Variants in EP300 observed in about 807,000 individuals in gnomAD.
EP300 encodes the protein histone acetyltransferase p300.
In EP300, 31 loss-of-function variants were observed where a neutral mutation model predicts 264.0. That is an observed-to-expected ratio of 0.12 (90% CI 0.09 to 0.16). The LOEUF (loss-of-function observed/expected upper bound fraction) is 0.16. Among genes scored for constraint, EP300 ranks in the 10% least tolerant of loss-of-function variants. EP300 has a pLI of 1.00. For missense variants in EP300, 2,766 were observed against 3,052.9 expected, an observed-to-expected ratio of 0.91 and a Z score of 2.21; for synonymous variants, 1,340 against 1,045.4, an observed-to-expected ratio of 1.28 and a Z score of -5.44.
At chr22:41,174,916 C>G (rs1244659675) in intron 29 of EP300, 3 of 152,016 alleles carry the variant, frequency 2.0e-5, no homozygotes, top group Non-Finnish European at 4.4e-5. Context: ...CATAGGTGTT[C>G]AAAGTATCTT....
chr22:41,159,340 T>TA (rs1313103683), intron 19 of EP300: 1 of 152,234 alleles, frequency 6.6e-6, no homozygotes, highest in East Asian at 1.9e-4. Context: ...AAAAGTCACT[T>TA]AAACTTTTTC....
At chr22:41,137,248 T>C (rs2058956345) in intron 7 of EP300, among the ~76,000 whole-genome samples, 1 of 147,512 alleles carries the variant, frequency 6.8e-6, no homozygotes, top group Non-Finnish European at 1.5e-5. Flanking sequence ...TCCCACCAAC[T>C]CAAGAGGCTG....
intron 22 of EP300, 127 bp from the exon 23 acceptor site, chr22:41,166,472 T>C: frequency 1.4e-6 from 1 of 728,178 alleles, no homozygotes; most frequent in South Asian, 1.7e-5. Context: ...GTGTATTAGT[T>C]TTATTAACTC....
At chr22:41,144,742 T>C (rs893342330) in intron 10 of EP300, among the ~76,000 whole-genome samples, 6 of 152,216 alleles carry the variant, frequency 3.9e-5, no homozygotes, top group African/African-American at 1.4e-4. Flanking sequence ...AGCTGCCTCA[T>C]GGAGCAATAA....
intron 25 of EP300, 29 bp from the exon 26 acceptor site, chr22:41,169,474 T>C (rs2145764856): frequency 2.7e-6 from 4 of 1,470,008 alleles, no homozygotes; most frequent in Non-Finnish European, 3.8e-6. Context: ...ACTTTTTTTT[T>C]CCTCTTCATT....
In EP300 at chr22:41,092,818, C is replaced by T. The variant is rs976850610; in HGVS notation, c.-187C>T. On this transcript the variant is annotated 5_prime_UTR_variant, in exon 1 of 31. Transcript: ENST00000263253. The stretch of plus-strand genomic sequence containing the variant: ...CCCCTCGCACTTGCCCTTACCTTTT[C>T]TATCGAGTCCGCATCCCTCTCCAGC... The T allele has an allele frequency of 1.1e-5, 8 of 696,726 alleles. No individual in the cohort carries two copies. In the Admixed American group the frequency reaches 1.9e-4, roughly 16 times the overall value. The allele number at this position is 696,726 out of a possible 1,614,324, so 43.2% of individuals were successfully genotyped here.
intron 6 of EP300, among the ~76,000 whole-genome samples, chr22:41,133,152 T>TCC (rs71821697): frequency 3.8e-3 from 249 of 65,104 alleles, no homozygotes; most frequent in African/African-American, 0.011. Context: ...CCTAAGATTA[T>TCC]CCCCCCCCCC....
chr22:41,094,732 G>A (rs1409458339), intron 1 of EP300, among the ~76,000 whole-genome samples: 2 of 152,208 alleles, frequency 1.3e-5, no homozygotes, highest in Non-Finnish European at 2.9e-5. Context: ...TAATGTGGTA[G>A]TTTTTGCTTT....
At chr22:41,134,163 C>CTTTTTTTTTTTTTTTTTTTTTTTT (rs11362436) in intron 6 of EP300, among the ~76,000 whole-genome samples, 1 of 105,630 alleles carries the variant, frequency 9.5e-6, no homozygotes. Context: ...TCATTCTTTT[C>CTTTTTTTTTTTTTTTTTTTTTTTT]TTTTTTTTTT....
At chr22:41,127,441 A>G in intron 3 of EP300, 46 bp from the exon 4 acceptor site, 1 of 1,609,582 alleles carries the variant, frequency 6.2e-7, no homozygotes, top group Non-Finnish European at 8.5e-7. Context: ...ATTAAGAAAT[A>G]GCACATTATG....
At chr22:41,158,614 C>A in intron 19 of EP300, 114 bp downstream of exon 19, 4 of 822,562 alleles carry the variant, frequency 4.9e-6, no homozygotes, top group Non-Finnish European at 6.1e-6. Context: ...TTGAAGACAG[C>A]TGTATAGCAC....
chr22:41,108,362 TCTCAG>T (rs2058770281), intron 1 of EP300, among the ~76,000 whole-genome samples: 3 of 145,226 alleles, frequency 2.1e-5, no homozygotes, highest in African/African-American at 7.5e-5. Flanking sequence ...AATCCTCCCA[TCTCAG>T]CCTCCCAAGT....
chr22:41,166,060 C>CA (rs1209936928), intron 22 of EP300, among the ~76,000 whole-genome samples: 1 of 152,226 alleles, frequency 6.6e-6, no homozygotes, highest in African/African-American at 2.4e-5. Context: ...ACTGGGATTA[C>CA]AGGCGGGAGC....
intron 1 of EP300, among the ~76,000 whole-genome samples, chr22:41,101,520 T>G (rs184941548): frequency 1.6e-4 from 24 of 151,658 alleles, no homozygotes; most frequent in South Asian, 1.3e-3. Context: ...CATGCCATTC[T>G]CCTGCCTCAG....
At chr22:41,106,094 G>A (rs1209338407) in intron 1 of EP300, among the ~76,000 whole-genome samples, 1 of 152,164 alleles carries the variant, frequency 6.6e-6, no homozygotes, top group Non-Finnish European at 1.5e-5. Flanking sequence ...TTCATTTACA[G>A]AGGGTTAAAG....
chr22:41,117,323 A>T lies in EP300; in HGVS notation c.231A>T (p.Lys77Asn). The T allele has an allele frequency of 6.2e-7, 1 of 1,614,234 alleles. No homozygotes were observed. Among genetic ancestry groups the T allele is most frequent in the Non-Finnish European group, 8.5e-7 (1 of 1,180,048 alleles). Reference protein sequence around the residue: ...SLGMVQDAASKHKQLSELLRS... With the variant: ...SLGMVQDAASNHKQLSELLRS... ...GCATGGTACAAGATGCAGCTTCTAA[A>T]CATAAACAGCTGTCAGAATTGCTGC... is the stretch of plus-strand genomic sequence containing the variant. Residue 77 changes from lysine to asparagine, a missense_variant, in exon 2 of 31, where the codon AAA becomes AAT. Lys to Asn is a moderately conservative substitution (Grantham distance 94, BLOSUM62 0). Transcript: ENST00000263253.
intron 20 of EP300, 42 bp downstream of exon 20, chr22:41,160,764 T>C (rs1442070355): frequency 6.4e-7 from 1 of 1,559,260 alleles, no homozygotes. Flanking sequence ...ATTAGTTTGT[T>C]GTCCAGTGAT....
intron 3 of EP300, 35 bp downstream of exon 3, chr22:41,126,075 C>T (rs761435630): frequency 1.2e-6 from 2 of 1,605,692 alleles, no homozygotes. Context: ...TGTTTTCAAA[C>T]TGGCATTTTG....
chr22:41,122,514 T>G (rs2058858428), intron 2 of EP300, among the ~76,000 whole-genome samples: 1 of 152,170 alleles, frequency 6.6e-6, no homozygotes, highest in Non-Finnish European at 1.5e-5. Flanking sequence ...ACCTCATTCT[T>G]TTATGCTTCC....
Sources: allele counts gnomAD v4.1 joint callset (sites outside exome capture counted in the v4.1 genomes callset), GRCh38; gene constraint gnomAD v4.1.1; transcripts MANE v1.5; gene names NCBI Gene and HGNC (gene_info 2026-07-23, HGNC 2026-07-21).